Variants in RGS6 observed in about 807,000 individuals in gnomAD.
The protein encoded by RGS6 is regulator of G-protein signaling 6.
In RGS6, 30 loss-of-function variants were observed where a neutral mutation model predicts 78.5. That is an observed-to-expected ratio of 0.38 (90% CI 0.29 to 0.52). The LOEUF (loss-of-function observed/expected upper bound fraction) is 0.52. Ranked by LOEUF, RGS6 falls within the 20% of genes least tolerant of loss-of-function variation. RGS6 has a pLI of 0.85. For synonymous variants in RGS6, 206 were observed against 206.0 expected (o/e 1.00, Z 0.00); for missense variants, 495 against 609.7 (o/e 0.81, Z 1.98).
At chr14:72,543,450 C>G (rs1043067447) in intron 17 of RGS6, among the ~76,000 whole-genome samples, 2 of 152,226 alleles carry the variant, frequency 1.3e-5, no homozygotes, top group Non-Finnish European at 2.9e-5. Context: ...TCTGCCTAAT[C>G]CTGCTCATGG....
intron 2 of RGS6, among the ~76,000 whole-genome samples, chr14:72,201,197 A>T (rs2238241): frequency 0.42 from 63,702 of 151,822 alleles, 13,553 homozygotes; most frequent in South Asian, 0.53. Flanking sequence ...GAGAAAAGAG[A>T]CCTGCGCTCT....
the RGS6 span, among the ~76,000 whole-genome samples, chr14:71,900,777 T>A: frequency 6.6e-6 from 1 of 152,114 alleles, no homozygotes; most frequent in Non-Finnish European, 1.5e-5. Context: ...AGAAAAGAGG[T>A]TTAGTTTGTT....
At chr14:72,477,843 C>T (rs995646226) in intron 11 of RGS6, among the ~76,000 whole-genome samples, 23 of 151,624 alleles carry the variant, frequency 1.5e-4, no homozygotes, top group African/African-American at 5.6e-4. Flanking sequence ...AGAAAAAAAG[C>T]TATTTGATGA....
chr14:72,053,269 A>G (rs1170352659), intron 2 of RGS6, among the ~76,000 whole-genome samples: 1 of 150,498 alleles, frequency 6.6e-6, no homozygotes, highest in Non-Finnish European at 1.5e-5. Context: ...ACAGCTGCCC[A>G]CCACCACGCC....
chr14:72,274,307 A>G (rs2060358772), intron 2 of RGS6, among the ~76,000 whole-genome samples: 1 of 151,994 alleles, frequency 6.6e-6, no homozygotes, highest in South Asian at 2.1e-4. Flanking sequence ...TGGGATTGGA[A>G]CTCAGGTGCA....
intron 3 of RGS6, among the ~76,000 whole-genome samples, chr14:72,429,118 C>T (rs1275232423): frequency 6.6e-6 from 1 of 152,182 alleles, no homozygotes; most frequent in Admixed American, 6.5e-5. Flanking sequence ...ACAAGAATTG[C>T]TTGAACCCAG....
At chr14:72,586,748 C>A in the RGS6 span, among the ~76,000 whole-genome samples, 2 of 152,122 alleles carry the variant, frequency 1.3e-5, no homozygotes, top group Admixed American at 6.5e-5. Flanking sequence ...TGGCCTGATG[C>A]CTTGTCTGCC....
At chr14:71,976,653 G>A (rs1178514271) in intron 2 of RGS6, among the ~76,000 whole-genome samples, 1 of 152,076 alleles carries the variant, frequency 6.6e-6, no homozygotes. Context: ...TCTTAATCCA[G>A]TCTATCATTG....
chr14:72,453,946 T>G (rs2095562624), intron 3 of RGS6, among the ~76,000 whole-genome samples: 1 of 152,226 alleles, frequency 6.6e-6, no homozygotes, highest in Non-Finnish European at 1.5e-5. Context: ...ATATGCCATT[T>G]CTACCCATAT....
chr14:72,533,079 GGCTTCAAA>G (rs2097202679), intron 15 of RGS6, among the ~76,000 whole-genome samples: 1 of 152,344 alleles, frequency 6.6e-6, no homozygotes, highest in East Asian at 1.9e-4. Flanking sequence ...GTCCATGCCT[GGCTTCAAA>G]GCTTCAAAGG....
At chr14:72,454,110 C>G (rs577783233) in intron 3 of RGS6, among the ~76,000 whole-genome samples, 2 of 152,154 alleles carry the variant, frequency 1.3e-5, no homozygotes, top group Admixed American at 6.5e-5. Context: ...AGGCCTGTGC[C>G]GGAAGAGATG....
At chr14:72,061,405 G>A (rs1052012087) in intron 2 of RGS6, among the ~76,000 whole-genome samples, 1 of 152,140 alleles carries the variant, frequency 6.6e-6, no homozygotes, top group Non-Finnish European at 1.5e-5. Flanking sequence ...CAGGGAGCTT[G>A]TGATTTAATA....
chr14:72,134,414 G>C (rs962224162), intron 2 of RGS6, among the ~76,000 whole-genome samples: 13 of 152,186 alleles, frequency 8.5e-5, no homozygotes, highest in African/African-American at 2.9e-4. Context: ...TGTCATGATA[G>C]TGTCACACTT....
intron 2 of RGS6, among the ~76,000 whole-genome samples, chr14:72,282,052 T>G (rs1595251580): frequency 6.6e-6 from 1 of 152,200 alleles, no homozygotes; most frequent in African/African-American, 2.4e-5. Context: ...TTTTAAAGAT[T>G]ATTGTGCATT....
At chr14:72,028,525 TA>T (rs2087838403) in intron 2 of RGS6, among the ~76,000 whole-genome samples, 1 of 152,246 alleles carries the variant, frequency 6.6e-6, no homozygotes, top group Non-Finnish European at 1.5e-5. Flanking sequence ...GCTAATGCTA[TA>T]CTTCAAAGTG....
intron 14 of RGS6, 151 bp downstream of exon 14, chr14:72,510,430 A>C (rs2096864488): frequency 5.2e-6 from 5 of 953,560 alleles, no homozygotes; most frequent in Non-Finnish European, 7.9e-6. Context: ...GGAGAAGAAC[A>C]AATTAAAATA....
intron 9 of RGS6, among the ~76,000 whole-genome samples, chr14:72,473,245 C>G (rs921821357): frequency 6.6e-6 from 1 of 152,214 alleles, no homozygotes; most frequent in Non-Finnish European, 1.5e-5. Context: ...CGATCAAGAC[C>G]ATCCTGGCTA....
At chr14:71,974,941 G>A (rs986586252) in intron 2 of RGS6, among the ~76,000 whole-genome samples, 2 of 152,296 alleles carry the variant, frequency 1.3e-5, no homozygotes, top group South Asian at 4.2e-4. Flanking sequence ...AGAGTTTGAG[G>A]CCAGTCTGGG....
intron 2 of RGS6, among the ~76,000 whole-genome samples, chr14:72,312,505 A>G (rs1260735841): frequency 6.6e-6 from 1 of 152,180 alleles, no homozygotes; most frequent in Non-Finnish European, 1.5e-5. Context: ...TAGCTTTGCC[A>G]CTAATTTCGT....
Sources: gnomAD v4.1 joint callset for allele counts (sites outside exome capture counted in the v4.1 genomes callset) on GRCh38, gnomAD v4.1.1 for gene constraint, MANE v1.5 for transcripts, NCBI Gene and HGNC (gene_info 2026-07-23, HGNC 2026-07-21) for gene names.